The following LCORL variants were observed in gnomAD, a reference collection of about 807,000 sequenced individuals.
The protein encoded by LCORL is ligand-dependent nuclear receptor corepressor-like protein.
In LCORL, 41 loss-of-function variants were observed where a neutral mutation model predicts 141.8. The observed-to-expected ratio is 0.29, with a 90% CI of 0.23 to 0.38. LCORL has a LOEUF of 0.38. LCORL is among the 10% of genes least tolerant of loss of function. The pLI is 1.00. For missense variants in LCORL, 1,759 were observed against 2,035.0 expected (o/e 0.86, Z 2.61); for synonymous variants, 618 against 694.1 (o/e 0.89, Z 1.72).
At chr4:18,014,242 C>T (rs1329076867) in intron 1 of LCORL, among the ~76,000 whole-genome samples, 22 of 151,976 alleles carry the variant, frequency 1.4e-4, no homozygotes, top group Non-Finnish European at 2.9e-5. Context: ...AGAAACTAGA[C>T]AAACTGAAGA....
chr4:17,914,929 G>A (rs1022612173), intron 4 of LCORL, among the ~76,000 whole-genome samples: 2 of 152,122 alleles, frequency 1.3e-5, no homozygotes, highest in Admixed American at 6.5e-5. Context: ...CCTCCATGTT[G>A]TATCATGGGT....
exon 8 of LCORL, chr4:17,843,248 T>A: frequency 6.4e-7 from 1 of 1,558,988 alleles, no homozygotes; most frequent in Non-Finnish European, 8.7e-7. Context: ...TATTTATAAA[T>A]AAACTGGTTT....
chr4:17,879,234 G>A (rs1246224768), intron 6 of LCORL, among the ~76,000 whole-genome samples: 1 of 151,024 alleles, frequency 6.6e-6, no homozygotes, highest in African/African-American at 2.4e-5. Flanking sequence ...TTTAAAACAG[G>A]AAGTGGAATA....
At position 18,021,389 on chromosome 4, in the gene LCORL, G is replaced by A. The variant is rs1577772160; in HGVS notation, c.154+209C>T. Among the ~76,000 whole-genome samples the A allele has an allele frequency of 1.3e-5, 2 of 152,150 alleles. No individual in the cohort carries two copies. The highest frequency in any genetic ancestry group is 2.4e-5 in the African/African-American group (1 of 41,462). Reference sequence around the variant, plus strand: ...AGTTCCCGGGGAGCCCAAGAGCTGGGAAGGCGAAGGAGCGCGGACCGCGCC... The same window carrying A: ...AGTTCCCGGGGAGCCCAAGAGCTGGAAAGGCGAAGGAGCGCGGACCGCGCC... On this transcript the variant is annotated intron_variant, in intron 1 of 7. Coordinates refer to ENST00000635767, the Ensembl canonical transcript of LCORL. The surrounding 1 kb of genome is among the most constrained non-coding windows in gnomAD (Gnocchi z 5.5).
chr4:17,911,881 G>A, intron 4 of LCORL: 1 of 480,938 alleles, frequency 2.1e-6, no homozygotes, highest in South Asian at 1.7e-5. Flanking sequence ...GATGGCCGGG[G>A]GTCTGGCAGG....
chr4:17,921,192 T>C (rs1327717916), intron 4 of LCORL, among the ~76,000 whole-genome samples: 1 of 150,690 alleles, frequency 6.6e-6, no homozygotes, highest in Non-Finnish European at 1.5e-5. Context: ...CCTGGTTGAT[T>C]TTTTTTTTGT....
At chr4:17,886,279 TA>T in intron 5 of LCORL, 118 bp from the exon 6 acceptor site, 1 of 648,060 alleles carries the variant, frequency 1.5e-6, no homozygotes, top group African/African-American at 1.9e-5. Flanking sequence ...ATGTGGCCAT[TA>T]CCTATTCATC....
chr4:17,946,055 G>A (rs906018356), intron 4 of LCORL, among the ~76,000 whole-genome samples: 16 of 151,966 alleles, frequency 1.1e-4, no homozygotes, highest in African/African-American at 3.4e-4. Context: ...TTGTTTCCAC[G>A]GCATCCTCTA....
chr4:17,909,342 A>G, exon 5 of LCORL: 1 of 1,574,332 alleles, frequency 6.4e-7, no homozygotes, highest in Non-Finnish European at 8.6e-7. Flanking sequence ...GTTCTGAGGA[A>G]GATCTAGGGA....
At chr4:17,909,601 T>C (rs1408590732) in intron 4 of LCORL, among the ~76,000 whole-genome samples, 1 of 152,074 alleles carries the variant, frequency 6.6e-6, no homozygotes, top group African/African-American at 2.4e-5. Flanking sequence ...AAAATACAAA[T>C]AAAGAATTAG....
chr4:17,998,964 C>CAAACAA (rs1721363817), intron 1 of LCORL, among the ~76,000 whole-genome samples: 1 of 44,820 alleles, frequency 2.2e-5, no homozygotes, highest in Non-Finnish European at 3.9e-5. Context: ...GACCCTGTCT[C>CAAACAA]AAAAAAAAAA....
intron 1 of LCORL, chr4:18,020,468 A>C (rs940545237): frequency 1.3e-5 from 2 of 152,020 alleles, no homozygotes; most frequent in Admixed American, 6.6e-5. Context: ...CTTCCAAAAC[A>C]AACACCCACA....
chr4:17,859,009 A>C (rs187657997), intron 7 of LCORL, among the ~76,000 whole-genome samples: 19 of 152,328 alleles, frequency 1.2e-4, no homozygotes, highest in Non-Finnish European at 1.8e-4. Context: ...AATATCTGTA[A>C]AGTACAGTCT....
At chr4:17,963,017 T>C (rs1311685755) in exon 3 of LCORL, 11 of 1,597,424 alleles carry the variant, frequency 6.9e-6, no homozygotes, top group East Asian at 2.3e-5. Context: ...TTTTCATCCA[T>C]AGACCAGTCA....
intron 4 of LCORL, among the ~76,000 whole-genome samples, chr4:17,920,219 G>T (rs1191785866): frequency 6.6e-6 from 1 of 152,164 alleles, no homozygotes; most frequent in African/African-American, 2.4e-5. Flanking sequence ...TTGAATTAGA[G>T]GGCACCCAGG....
intron 1 of LCORL, among the ~76,000 whole-genome samples, chr4:18,018,728 A>G (rs1424517705): frequency 6.6e-6 from 1 of 152,188 alleles, no homozygotes; most frequent in African/African-American, 2.4e-5. Flanking sequence ...AATTTGCTGT[A>G]CAACCCTGAG....
chr4:17,908,556 C>G (rs553838847), intron 5 of LCORL, among the ~76,000 whole-genome samples: 1 of 152,272 alleles, frequency 6.6e-6, no homozygotes, highest in South Asian at 2.1e-4. Flanking sequence ...TTATGGTTCT[C>G]TTTTAATTAA....
At chr4:17,851,501 A>G (rs1723706560) in intron 7 of LCORL, among the ~76,000 whole-genome samples, 1 of 152,102 alleles carries the variant, frequency 6.6e-6, no homozygotes, top group African/African-American at 2.4e-5. Flanking sequence ...TGTATTTTGG[A>G]TACTGTTTCA....
At chr4:17,923,267 G>A (rs187818690) in intron 4 of LCORL, among the ~76,000 whole-genome samples, 4 of 152,222 alleles carry the variant, frequency 2.6e-5, no homozygotes, top group African/African-American at 7.2e-5. Context: ...TCACTAAGCA[G>A]GAATTCTGCA....
Sources: allele counts gnomAD v4.1 joint callset (sites outside exome capture counted in the v4.1 genomes callset), GRCh38; gene constraint gnomAD v4.1.1; non-coding constraint Gnocchi (gnomAD v3.1); transcripts MANE v1.5; gene names NCBI Gene and HGNC (gene_info 2026-07-23, HGNC 2026-07-21).